ABTB2: variants seen among roughly 807,000 people sequenced by gnomAD.
The protein encoded by ABTB2 is ankyrin repeat and BTB domain containing 2.
ABTB2 carries 56 observed loss-of-function variants against 104.1 expected under a neutral mutation model. The observed-to-expected ratio is 0.54, with a 90% CI of 0.43 to 0.67. The LOEUF (loss-of-function observed/expected upper bound fraction) is 0.67. ABTB2 is among the 30% of genes least tolerant of loss of function. The pLI is 0.00. For synonymous variants in ABTB2, 606 were observed against 608.2 expected, an observed-to-expected ratio of 1.00 and a Z score of 0.05; for missense variants, 1,279 against 1,407.7, an observed-to-expected ratio of 0.91 and a Z score of 1.46.
chr11:34,208,183 C>G lies in ABTB2; in HGVS notation c.884-3493G>C, dbSNP rs117873996. 4.0e-3 allele frequency among the ~76,000 whole-genome samples: 611 copies of G among 152,320 alleles called. 1 individual carries two copies. Among genetic ancestry groups the G allele is most frequent in the Non-Finnish European group, 6.9e-3 (470 of 68,040 alleles). ...ACACCTCGATGTGTTCCTTTCCCCA[C>G]ACAAATTCCCAGCTCTAGCATAACG... On this transcript the variant is annotated intron_variant, in intron 1 of 16. Transcript: ENST00000435224.
chr11:34,332,179 G>A (rs578141124), intron 1 of ABTB2, among the ~76,000 whole-genome samples: 2 of 152,312 alleles, frequency 1.3e-5, no homozygotes, highest in East Asian at 3.9e-4. Flanking sequence ...TTCTGATGCA[G>A]CACTTAACGT....
chr11:34,354,198 A>G (rs1855434848), intron 1 of ABTB2, among the ~76,000 whole-genome samples: 1 of 152,166 alleles, frequency 6.6e-6, no homozygotes, highest in African/African-American at 2.4e-5. Context: ...GAGAAGGTAC[A>G]GAGGGAGACA....
Position 34,241,633 on chromosome 11 carries a change from T to C in ABTB2, c.884-36943A>G, listed in dbSNP as rs1853916871. Among the ~76,000 whole-genome samples, 2 of 152,220 alleles carry C rather than the reference T, an allele frequency of 1.3e-5. 1 individual carries two copies. Among genetic ancestry groups the C allele is most frequent in the East Asian group, 3.8e-4 (2 of 5,198 alleles). On this transcript the variant is annotated intron_variant, in intron 1 of 16. Coordinates refer to ENST00000435224, the MANE Select transcript of ABTB2 (RefSeq NM_145804.3). ...CTAGCTGGCCATGATGGCTCAAGCC[T>C]GTAATCACAGCGCTTTGGGAAGCCA... is the stretch of plus-strand genomic sequence containing the variant.
chr11:34,287,213 CT>C (rs1854515826), intron 1 of ABTB2, among the ~76,000 whole-genome samples: 1 of 147,776 alleles, frequency 6.8e-6, no homozygotes, highest in African/African-American at 2.5e-5. Flanking sequence ...ACTCATAGGA[CT>C]GTACACACAC....
At chr11:34,232,565 C>G (rs1193967793) in intron 1 of ABTB2, among the ~76,000 whole-genome samples, 3 of 152,154 alleles carry the variant, frequency 2.0e-5, no homozygotes, top group Non-Finnish European at 2.9e-5. Context: ...CCTCTCGAGA[C>G]CTTCTGAAGC....
chr11:34,162,525 T>G, intron 10 of ABTB2, 51 bp downstream of exon 10: 1 of 1,545,228 alleles, frequency 6.5e-7, no homozygotes, highest in Non-Finnish European at 8.9e-7. Flanking sequence ...AGTGACCGTG[T>G]GTGTCCATAT....
At chr11:34,295,938 T>TA (rs138719172) in intron 1 of ABTB2, among the ~76,000 whole-genome samples, 5,601 of 152,278 alleles carry the variant, frequency 0.037, 134 homozygotes, top group Non-Finnish European at 0.059. Context: ...TTGGGGGTGA[T>TA]ATAAGCATTC....
intron 1 of ABTB2, among the ~76,000 whole-genome samples, chr11:34,287,854 TG>T (rs1208219333): frequency 2.6e-5 from 4 of 152,104 alleles, no homozygotes; most frequent in Non-Finnish European, 5.9e-5. Context: ...CACTATTGCT[TG>T]TCTGTCTCCA....
intron 3 of ABTB2, among the ~76,000 whole-genome samples, chr11:34,188,931 C>G (rs1853137642): frequency 6.6e-6 from 1 of 152,162 alleles, no homozygotes; most frequent in Non-Finnish European, 1.5e-5. Context: ...CAGGGCATTT[C>G]CCCACCTTAG....
chr11:34,158,185 CG>C (rs1852655683), intron 14 of ABTB2, among the ~76,000 whole-genome samples: 1 of 152,158 alleles, frequency 6.6e-6, no homozygotes, highest in East Asian at 1.9e-4. Flanking sequence ...GAGGCCAAGG[CG>C]GGTGGATCAC....
At chr11:34,347,297 G>A (rs1023107056) in intron 1 of ABTB2, among the ~76,000 whole-genome samples, 4 of 152,154 alleles carry the variant, frequency 2.6e-5, no homozygotes, top group African/African-American at 9.7e-5. Flanking sequence ...TTAGCCAGGT[G>A]TGGTGGTGCC....
chr11:34,191,225 C>A (rs928278654), intron 3 of ABTB2, among the ~76,000 whole-genome samples: 2 of 152,156 alleles, frequency 1.3e-5, no homozygotes, highest in Non-Finnish European at 2.9e-5. Flanking sequence ...ACCATGATTG[C>A]ACCACTGCAT....
chr11:34,289,190 T>C (rs1232342877), intron 1 of ABTB2, among the ~76,000 whole-genome samples: 1 of 152,220 alleles, frequency 6.6e-6, no homozygotes, highest in East Asian at 1.9e-4. Context: ...CTGAGTTCTG[T>C]AACAACTTAC....
At position 34,273,085 on chromosome 11, in the gene ABTB2, C is replaced by CT. The variant is rs530734967; in HGVS notation, c.884-68396dup. ...TTAGCAAACATTCCATGATTTTTAG[C>CT]TTTTTTTAAATTAAAAAAATTTTTT... On this transcript the variant is annotated intron_variant, in intron 1 of 16. Coordinates refer to ENST00000435224, the MANE Select transcript of ABTB2 (RefSeq NM_145804.3). 1.1e-3 allele frequency among the ~76,000 whole-genome samples: 167 copies of CT among 152,068 alleles called. 1 individual carries two copies. The highest frequency in any genetic ancestry group is 3.9e-3 in the African/African-American group (161 of 41,462).
intron 11 of ABTB2, 89 bp downstream of exon 11, chr11:34,160,814 G>C (rs1852707511): frequency 7.1e-7 from 1 of 1,411,556 alleles, no homozygotes. Context: ...CCCTGTGTCT[G>C]TCCACGTGTC....
chr11:34,174,335 AAAAAAAAAAAAAAAAG>A (rs1456796183), intron 3 of ABTB2, among the ~76,000 whole-genome samples: 1 of 42,722 alleles, frequency 2.3e-5, no homozygotes, highest in Non-Finnish European at 4.6e-5. Flanking sequence ...AAAAAAAAAA[AAAAAAAAAAAAAAAAG>A]AAAGAAAAAG....
chr11:34,354,036 T>A (rs1855431767), intron 1 of ABTB2, among the ~76,000 whole-genome samples: 1 of 152,220 alleles, frequency 6.6e-6, no homozygotes, highest in South Asian at 2.1e-4. Flanking sequence ...CTACTAAACA[T>A]TCATTTCACT....
At chr11:34,278,404 C>T (rs1854410694) in intron 1 of ABTB2, among the ~76,000 whole-genome samples, 1 of 152,060 alleles carries the variant, frequency 6.6e-6, no homozygotes. Context: ...TTATAAAATG[C>T]AAAGAAGGAA....
chr11:34,168,022 G>C, intron 5 of ABTB2, 30 bp from the exon 6 acceptor site: 1 of 1,604,352 alleles, frequency 6.2e-7, no homozygotes, highest in Non-Finnish European at 8.5e-7. Context: ...GTGCTAAACT[G>C]TTTGCAAACA....
Sources: allele counts gnomAD v4.1 joint callset (sites outside exome capture counted in the v4.1 genomes callset), GRCh38; gene constraint gnomAD v4.1.1; transcripts MANE v1.5; gene names NCBI Gene and HGNC (gene_info 2026-07-23, HGNC 2026-07-21).